The following SPATA13 variants were observed in gnomAD, a reference collection of about 807,000 sequenced individuals.
The protein encoded by SPATA13 is spermatogenesis associated 13.
In SPATA13, 50 loss-of-function variants were observed where a neutral mutation model predicts 104.0. The observed-to-expected ratio is 0.48, with a 90% CI of 0.38 to 0.61. The LOEUF (loss-of-function observed/expected upper bound fraction) is 0.61, where lower values mean the gene tolerates loss of function less well. SPATA13 is among the 20% of genes least tolerant of loss of function. The pLI, the probability that SPATA13 is intolerant of heterozygous loss-of-function variation, is 0.00. For missense variants in SPATA13, 1,524 were observed against 1,690.6 expected (o/e 0.90, Z 1.73); for synonymous variants, 606 against 667.5 (o/e 0.91, Z 1.42).
At chr13:24,148,087 C>T (rs1032027006) in intron 3 of SPATA13, among the ~76,000 whole-genome samples, 3 of 152,200 alleles carry the variant, frequency 2.0e-5, no homozygotes, top group African/African-American at 7.2e-5. Context: ...AAAGATCCTG[C>T]TTTCAGTTCT....
intron 3 of SPATA13, among the ~76,000 whole-genome samples, chr13:24,097,308 G>A (rs577221621): frequency 6.6e-6 from 1 of 152,238 alleles, no homozygotes; most frequent in South Asian, 2.1e-4. Flanking sequence ...TTACAAATGA[G>A]AAGCTAAATA....
At chr13:24,262,959 A>T (rs73168716) in intron 4 of SPATA13, among the ~76,000 whole-genome samples, 13,773 of 151,698 alleles carry the variant, frequency 0.091, 777 homozygotes, top group East Asian at 0.22. Flanking sequence ...AGGTTATTTT[A>T]AAAAAAAAGA....
At chr13:24,219,517 G>A (rs944866535) in intron 1 of SPATA13, among the ~76,000 whole-genome samples, 2 of 152,226 alleles carry the variant, frequency 1.3e-5, no homozygotes, top group African/African-American at 4.8e-5. Context: ...GATTAGACAA[G>A]GCAGGATAAC....
intron 3 of SPATA13, among the ~76,000 whole-genome samples, chr13:24,128,511 G>A (rs537306280): frequency 6.6e-6 from 1 of 152,168 alleles, no homozygotes; most frequent in East Asian, 1.9e-4. Context: ...AAGTGCATGG[G>A]TCCAGGTCAT....
intron 1 of SPATA13, among the ~76,000 whole-genome samples, chr13:24,189,469 ATCTCTC>A (rs201091898): frequency 1.1e-5 from 1 of 90,122 alleles, no homozygotes; most frequent in African/African-American, 3.1e-5. Flanking sequence ...GCGAGACTCC[ATCTCTC>A]TCTCTCTCTA....
chr13:24,123,885 T>G, intron 3 of SPATA13: 3 of 663,102 alleles, frequency 4.5e-6, no homozygotes, highest in Non-Finnish European at 8.1e-6. Context: ...ATAAAACTCC[T>G]CCACCCAGAG....
At chr13:24,004,518 G>A (rs567068995) in intron 2 of SPATA13, among the ~76,000 whole-genome samples, 17 of 152,218 alleles carry the variant, frequency 1.1e-4, no homozygotes, top group African/African-American at 2.9e-4. Flanking sequence ...TCACAGGGGC[G>A]CAGACGGGAC....
At chr13:24,146,578 T>G (rs1339658546) in intron 3 of SPATA13, among the ~76,000 whole-genome samples, 1 of 152,188 alleles carries the variant, frequency 6.6e-6, no homozygotes. Flanking sequence ...CAGAGGAAAG[T>G]AGGCTATAAA....
chr13:24,095,391 G>C (rs967688522), intron 3 of SPATA13, among the ~76,000 whole-genome samples: 4 of 152,170 alleles, frequency 2.6e-5, no homozygotes, highest in South Asian at 4.2e-4. Flanking sequence ...GAAATAGAAG[G>C]GTGGTTACCC....
intron 3 of SPATA13, among the ~76,000 whole-genome samples, chr13:24,143,644 T>C (rs1347546942): frequency 6.6e-6 from 1 of 152,180 alleles, no homozygotes; most frequent in African/African-American, 2.4e-5. Context: ...ATGAGTGACC[T>C]GAGCTCTGGG....
At chr13:24,117,904 G>T (rs1880904225) in intron 3 of SPATA13, among the ~76,000 whole-genome samples, 1 of 152,124 alleles carries the variant, frequency 6.6e-6, no homozygotes, top group South Asian at 2.1e-4. Context: ...TAATTGGGTT[G>T]TTTATAAAAA....
chr13:24,197,657 C>A (rs894637461), intron 1 of SPATA13, among the ~76,000 whole-genome samples: 11 of 152,158 alleles, frequency 7.2e-5, no homozygotes, highest in African/African-American at 2.7e-4. Context: ...AATAGCAGGT[C>A]AAAATAAAGT....
Position 24,203,515 on chromosome 13 carries a change from A to C in SPATA13, c.-111-19304A>C, listed in dbSNP as rs961169943. 2.6e-5 allele frequency among the ~76,000 whole-genome samples: 4 copies of C among 151,928 alleles called. No individual in the cohort carries two copies. The Middle Eastern group carries it at 0.01, about 388-fold the overall frequency. The stretch of plus-strand genomic sequence containing the variant: ...TGTGGCTGTTTGCATTGTTTCCTTA[A>C]ACTTTGCTGTTGAGGATTGGATGTG... On this transcript the variant is annotated intron_variant, in intron 1 of 12. Coordinates refer to ENST00000382108, the MANE Select transcript of SPATA13 (RefSeq NM_001166271.3).
intron 2 of SPATA13, among the ~76,000 whole-genome samples, chr13:23,995,949 G>A (rs530211755): frequency 3.2e-4 from 48 of 152,286 alleles, no homozygotes; most frequent in African/African-American, 1.1e-3. Flanking sequence ...CCTGTTTAAG[G>A]AAAGACTTGA....
intron 1 of SPATA13, among the ~76,000 whole-genome samples, chr13:23,981,710 G>A (rs1343340131): frequency 3.3e-5 from 5 of 152,174 alleles, no homozygotes; most frequent in Admixed American, 2.0e-4. Context: ...AGAGAAGTGC[G>A]GTGATAAGCC....
intron 3 of SPATA13, among the ~76,000 whole-genome samples, chr13:24,061,107 C>A (rs1429476131): frequency 6.6e-6 from 1 of 152,156 alleles, no homozygotes; most frequent in Non-Finnish European, 1.5e-5. Context: ...ATGTGGCTAA[C>A]AGGCACATGA....
intron 3 of SPATA13, among the ~76,000 whole-genome samples, chr13:24,104,511 C>G (rs1263608015): frequency 1.3e-5 from 2 of 152,182 alleles, no homozygotes; most frequent in African/African-American, 4.8e-5. Context: ...ATGCAGGTAT[C>G]TTCATCTTCG....
chr13:24,125,066 C>A (rs1292174724), intron 3 of SPATA13, among the ~76,000 whole-genome samples: 1 of 152,194 alleles, frequency 6.6e-6, no homozygotes, highest in Non-Finnish European at 1.5e-5. Flanking sequence ...TCCCAATGGC[C>A]CCATTGTCTC....
In SPATA13 at chr13:24,231,304, G is replaced by C. The variant is rs141807925; in HGVS notation, c.1653+6722G>C. ...CCCCAGCCTCAGAGCTATTTTTTGT[G>C]TCTATTATTTTACTTTTCTGGACAT... On this transcript the variant is annotated intron_variant, in intron 2 of 12. Transcript: ENST00000382108. Among the ~76,000 whole-genome samples, 81 of 152,242 alleles carry C rather than the reference G, an allele frequency of 5.3e-4. 1 individual carries two copies. Among genetic ancestry groups the C allele is most frequent in the African/African-American group, 1.8e-3 (74 of 41,522 alleles).
Sources: allele counts gnomAD v4.1 joint callset (sites outside exome capture counted in the v4.1 genomes callset), GRCh38; gene constraint gnomAD v4.1.1; transcripts MANE v1.5; gene names NCBI Gene and HGNC (gene_info 2026-07-23, HGNC 2026-07-21).